OR2L13: variants seen among roughly 807,000 people sequenced by gnomAD.
OR2L13 encodes olfactory receptor family 2 subfamily L member 13, also known as olfactory receptor 2L13.
In OR2L13, 14 loss-of-function variants were observed where a neutral mutation model predicts 15.3. The observed-to-expected ratio is 0.91, with a 90% CI of 0.60 to 1.43. OR2L13 has a LOEUF of 1.43. Ranked by LOEUF, OR2L13 falls within the 40% of genes most tolerant of loss-of-function variation. The pLI is 0.00. For missense variants in OR2L13, 367 were observed against 387.9 expected (o/e 0.95, Z 0.45); for synonymous variants, 152 against 142.9 (o/e 1.06, Z -0.45).
chr1:248,034,518 A>C, the OR2L13 span, among the ~76,000 whole-genome samples: 201 of 152,320 alleles, frequency 1.3e-3, no homozygotes, highest in Non-Finnish European at 2.5e-3. Flanking sequence ...AAGATTTATC[A>C]TTAGAATTTT....
the OR2L13 span, chr1:248,060,592 G>T: frequency 3.0e-6 from 3 of 983,670 alleles, no homozygotes; most frequent in South Asian, 4.6e-5. Context: ...TTACTGAGGG[G>T]CTTCAAATGC....
At chr1:248,076,734 G>A in the OR2L13 span, among the ~76,000 whole-genome samples, 1 of 152,188 alleles carries the variant, frequency 6.6e-6, no homozygotes, top group Non-Finnish European at 1.5e-5. Flanking sequence ...AGCTTAAGGA[G>A]TTTTTGGGCT....
the OR2L13 span, among the ~76,000 whole-genome samples, chr1:248,029,423 A>G: frequency 6.6e-6 from 1 of 151,872 alleles, no homozygotes; most frequent in African/African-American, 2.4e-5. Flanking sequence ...GAGAACATTT[A>G]AAGCACTCTA....
the OR2L13 span, among the ~76,000 whole-genome samples, chr1:247,938,028 G>A: frequency 6.6e-6 from 1 of 151,936 alleles, no homozygotes; most frequent in Non-Finnish European, 1.5e-5. Context: ...GAACAGTGTG[G>A]CAATATATAT....
At chr1:248,083,460 A>G in the OR2L13 span, 1 of 606,834 alleles carries the variant, frequency 1.6e-6, no homozygotes, top group Non-Finnish European at 2.9e-6. Flanking sequence ...AGAAAAGCAC[A>G]TAAATGCTCA....
chr1:248,055,572 T>A, the OR2L13 span, among the ~76,000 whole-genome samples: 2 of 152,070 alleles, frequency 1.3e-5, no homozygotes, highest in Admixed American at 1.3e-4. Flanking sequence ...CCTGGCCAAC[T>A]TCGTGAAACC....
At chr1:247,953,683 C>G in the OR2L13 span, among the ~76,000 whole-genome samples, 36 of 152,192 alleles carry the variant, frequency 2.4e-4, 2 homozygotes, top group African/African-American at 8.7e-4. Flanking sequence ...GTTATCTGAC[C>G]TGTCTTTTTT....
the OR2L13 span, among the ~76,000 whole-genome samples, chr1:247,958,459 C>T: frequency 0.8 from 121,500 of 152,118 alleles, 52,695 homozygotes; most frequent in South Asian, 0.95. Flanking sequence ...CTATTAGGTC[C>T]GCTTGGTGCA....
the OR2L13 span, among the ~76,000 whole-genome samples, chr1:247,981,908 C>T: frequency 6.6e-5 from 10 of 151,874 alleles, 1 homozygote; most frequent in East Asian, 3.9e-4. Flanking sequence ...CTCCGCCTCC[C>T]GGGTTCACGC....
At chr1:247,995,735 T>TTTA in the OR2L13 span, among the ~76,000 whole-genome samples, 1 of 152,334 alleles carries the variant, frequency 6.6e-6, no homozygotes, top group Admixed American at 6.5e-5. Context: ...TTTGTTTATT[T>TTTA]ATTTTTTTGA....
the OR2L13 span, among the ~76,000 whole-genome samples, chr1:247,984,229 C>CATTATTATTATTATTATTATT: frequency 8.1e-4 from 121 of 148,506 alleles, no homozygotes; most frequent in African/African-American, 2.8e-3. Context: ...GAAAATAAGT[C>CATTATTATTATTATTATTATT]ATTATTATTA....
chr1:248,010,928 A>G, the OR2L13 span, among the ~76,000 whole-genome samples: 1,484 of 152,078 alleles, frequency 9.8e-3, 27 homozygotes, highest in African/African-American at 0.034. Flanking sequence ...ATGTCTTTGA[A>G]TTGGGATATT....
chr1:247,975,834 T>G, the OR2L13 span, among the ~76,000 whole-genome samples: 1 of 152,196 alleles, frequency 6.6e-6, no homozygotes, highest in Non-Finnish European at 1.5e-5. Flanking sequence ...CTATGTTGTT[T>G]TGTTTTTGCT....
At chr1:248,063,077 G>C in the OR2L13 span, 1 of 152,020 alleles carries the variant, frequency 6.6e-6, no homozygotes, top group Non-Finnish European at 1.5e-5. Context: ...TGACTATTTG[G>C]GTTCTTTAAT....
At chr1:248,053,891 C>T in the OR2L13 span, among the ~76,000 whole-genome samples, 8 of 152,136 alleles carry the variant, frequency 5.3e-5, no homozygotes, top group Non-Finnish European at 1.0e-4. Context: ...CAATAATTTT[C>T]TCCCATTCTG....
chr1:248,035,882 G>T, the OR2L13 span, among the ~76,000 whole-genome samples: 1 of 151,888 alleles, frequency 6.6e-6, no homozygotes, highest in Admixed American at 6.6e-5. Flanking sequence ...CTCCTCTTAT[G>T]AAATTTATTG....
At chr1:248,022,996 C>T in the OR2L13 span, 4 of 1,009,020 alleles carry the variant, frequency 4.0e-6, no homozygotes, top group South Asian at 2.0e-5. Context: ...GAGATTAATC[C>T]AGAATGTTTG....
At chr1:248,083,711 G>T in the OR2L13 span, 2 of 1,612,266 alleles carry the variant, frequency 1.2e-6, no homozygotes, top group Non-Finnish European at 1.7e-6. Flanking sequence ...GGGCTTCCTT[G>T]ACCTCACTGT....
At chr1:248,039,418 T>C in the OR2L13 span, 1 of 391,126 alleles carries the variant, frequency 2.6e-6, no homozygotes, top group Non-Finnish European at 4.6e-6. Context: ...TGGTTTTTGT[T>C]TGTTTGTTTG....
Sources: allele counts gnomAD v4.1 joint callset (sites outside exome capture counted in the v4.1 genomes callset), GRCh38; gene constraint gnomAD v4.1.1; transcripts MANE v1.5; gene names NCBI Gene and HGNC (gene_info 2026-07-23, HGNC 2026-07-21).